The following SEPTIN10 variants were observed in gnomAD, a reference collection of about 807,000 sequenced individuals.
SEPTIN10 encodes septin 10.
SEPTIN10 carries 66 observed loss-of-function variants against 54.8 expected under a neutral mutation model. The observed-to-expected ratio is 1.21, with a 90% CI of 0.99 to 1.48. SEPTIN10 has a LOEUF of 1.48. SEPTIN10 is among the 40% of genes most tolerant of loss of function. SEPTIN10 has a pLI of 0.00. For missense variants in SEPTIN10, 620 were observed against 545.6 expected (o/e 1.14, Z -1.36); for synonymous variants, 161 against 181.0 (o/e 0.89, Z 0.89).
At chr2:109,588,362 A>G (rs990675517) in intron 2 of SEPTIN10, among the ~76,000 whole-genome samples, 1 of 152,226 alleles carries the variant, frequency 6.6e-6, no homozygotes, top group East Asian at 1.9e-4. Flanking sequence ...TTGAAAATAC[A>G]AATGTTTAAA....
chr2:109,606,081 C>CTA (rs1437859244), intron 1 of SEPTIN10, among the ~76,000 whole-genome samples: 1 of 152,172 alleles, frequency 6.6e-6, no homozygotes, highest in Non-Finnish European at 1.5e-5. Context: ...ATCCAAAAAA[C>CTA]TAGAGATAAC....
rs1683391772 is a variant in SEPTIN10 at position 109,553,076 on chromosome 2, A to G, written c.1161+11T>C. 17 of 1,610,238 alleles carry G rather than the reference A, an allele frequency of 1.1e-5. No individual in the cohort carries two copies. The highest frequency in any genetic ancestry group is 1.4e-5 in the Non-Finnish European group (17 of 1,179,434). ...AAATAAATGCAAATCACATCAAACC[A>G]GCATACTTGCCTCTCTCTCAGCTTC... On this transcript the variant is annotated intron_variant, in intron 9 of 10. Coordinates refer to ENST00000397712, the MANE Select transcript of SEPTIN10 (RefSeq NM_144710.5).
chr2:109,574,133 T>C (rs1250344172), intron 5 of SEPTIN10, among the ~76,000 whole-genome samples: 1 of 152,108 alleles, frequency 6.6e-6, no homozygotes, highest in Non-Finnish European at 1.5e-5. Context: ...GATGGAAATA[T>C]AAAATGTTTT....
At chr2:109,569,437 TAAA>T (rs61064446) in intron 5 of SEPTIN10, among the ~76,000 whole-genome samples, 26 of 131,258 alleles carry the variant, frequency 2.0e-4, no homozygotes, top group Admixed American at 9.9e-4. Context: ...AAACTCTTGT[TAAA>T]AAAAAAAAAA....
chr2:109,613,792 A>T lies in SEPTIN10; in HGVS notation c.30+6T>A. On this transcript the variant is annotated splice_donor_region_variant and intron_variant, in intron 1 of 10. Transcript: ENST00000397712. ...GGGCTGGGGCCCCGGCGTCGGCGGG[A>T]CTCACCAGGTGCCGCGCCACCTCGG... is the stretch of plus-strand genomic sequence containing the variant. 8.1e-7 allele frequency: 1 copy of T among 1,228,768 alleles called. No individual in the cohort carries two copies. The allele number at this position is 1,228,768 out of a possible 1,614,324, so 76.1% of individuals were successfully genotyped here. A position where few individuals can be genotyped will look rare whatever the true frequency, so the allele number is the denominator to read the frequency against.
chr2:109,549,134 G>C (rs879756656), intron 9 of SEPTIN10, among the ~76,000 whole-genome samples: 5 of 152,178 alleles, frequency 3.3e-5, no homozygotes, highest in Non-Finnish European at 5.9e-5. Flanking sequence ...ACACTCCCCA[G>C]ATGTCATTCA....
Position 109,567,986 on chromosome 2 carries a change from A to G in SEPTIN10, c.601-10T>C, listed in dbSNP as rs773491689. 1 of 1,561,132 alleles carries G rather than the reference A, an allele frequency of 6.4e-7. No individual in the cohort carries two copies. ...CTGGTATAATGTTTACCTATTAAGA[A>G]TAAAGAAAAACAAAATCTTACTGAG... On this transcript the variant is annotated splice_polypyrimidine_tract_variant and intron_variant, in intron 5 of 10. Coordinates refer to ENST00000397712, the MANE Select transcript of SEPTIN10 (RefSeq NM_144710.5).
At chr2:109,570,345 C>T (rs1688056770) in intron 5 of SEPTIN10, among the ~76,000 whole-genome samples, 1 of 152,070 alleles carries the variant, frequency 6.6e-6, no homozygotes, top group South Asian at 2.1e-4. Flanking sequence ...TATTGTAATG[C>T]TCATTAATGT....
intron 9 of SEPTIN10, among the ~76,000 whole-genome samples, chr2:109,549,020 G>A (rs912334951): frequency 1.3e-5 from 2 of 152,100 alleles, no homozygotes; most frequent in African/African-American, 4.8e-5. Context: ...TTATTCCAGA[G>A]GATGCCTTTT....
In SEPTIN10 at chr2:109,567,942, G is replaced by T; in HGVS notation, c.635C>A (p.Thr212Lys). ...NIIPVIAKAD[T>K]VSKTELQKFK... is the part of the protein sequence containing the mutation. Reference sequence around the variant, plus strand: ...CTTCTGTAATTCAGTTTTAGAAACCGTATCTGCTTTGGCAATCACTGGTAT... The same window carrying T: ...CTTCTGTAATTCAGTTTTAGAAACCTTATCTGCTTTGGCAATCACTGGTAT... Residue 212 changes from threonine (T) to lysine (K), a missense_variant, in exon 6 of 11, where the codon ACG becomes AAG. By Grantham distance (78) the Thr-to-Lys change is moderately conservative. Transcript: ENST00000397712. 1 of 1,612,872 alleles carries T rather than the reference G, an allele frequency of 6.2e-7. No individual in the cohort carries two copies. The highest frequency in any genetic ancestry group is 8.5e-7 in the Non-Finnish European group (1 of 1,179,552).
chr2:109,568,095 G>T, intron 5 of SEPTIN10, 119 bp from the exon 6 acceptor site: 1 of 748,660 alleles, frequency 1.3e-6, no homozygotes, highest in East Asian at 2.7e-5. Flanking sequence ...TAGATCGGGG[G>T]GCTGGCAAAC....
chr2:109,594,362 C>G (rs1464848095), intron 1 of SEPTIN10, among the ~76,000 whole-genome samples: 1 of 152,160 alleles, frequency 6.6e-6, no homozygotes, highest in Non-Finnish European at 1.5e-5. Context: ...GCGCTCTTCC[C>G]GAGAGGCACC....
At chr2:109,549,969 G>C (rs369146460) in intron 9 of SEPTIN10, among the ~76,000 whole-genome samples, 1 of 152,110 alleles carries the variant, frequency 6.6e-6, no homozygotes, top group African/African-American at 2.4e-5. Flanking sequence ...GTACAATGCT[G>C]TATCTTTTGT....
At chr2:109,606,308 C>T (rs943191690) in intron 1 of SEPTIN10, among the ~76,000 whole-genome samples, 60 of 147,822 alleles carry the variant, frequency 4.1e-4, no homozygotes, top group Middle Eastern at 3.4e-3. Flanking sequence ...CCAGCTACTC[C>T]GGAGGCTGAG....
chr2:109,564,365 C>A lies in SEPTIN10; in HGVS notation c.1028+1G>T, dbSNP rs1330599128. The A allele has an allele frequency of 3.9e-6, 6 of 1,550,644 alleles. No homozygotes were observed. Among genetic ancestry groups the A allele is most frequent in the Admixed American group, 1.9e-5 (1 of 54,026 alleles). On this transcript the variant is annotated splice_donor_variant, in intron 8 of 10. Transcript: ENST00000397712. LOFTEE classifies it high-confidence loss of function. ...TTGGCTTCCCAAGAACCCCACCCTA[C>A]CTGACTGGCTTGTTTTCTGGGCCCA...
chr2:109,584,721 T>A (rs1685470476), intron 4 of SEPTIN10, among the ~76,000 whole-genome samples: 1 of 152,138 alleles, frequency 6.6e-6, no homozygotes, highest in South Asian at 2.1e-4. Flanking sequence ...GCTAATTTGA[T>A]TATAATTTTA....
rs983308452 is a variant in SEPTIN10 at position 109,565,763 on chromosome 2, C to G, written c.859G>C (p.Val287Leu). The G allele has an allele frequency of 2.5e-6, 4 of 1,612,716 alleles. No individual in the cohort carries two copies. Among genetic ancestry groups the G allele is most frequent in the South Asian group, 1.1e-5 (1 of 91,048 alleles). Residue 287 changes from valine to leucine, a missense_variant and splice_region_variant, in exon 7 of 11, where the codon GTG becomes CTG. Transcript: ENST00000397712. ...ARQYPWGVVQ[V>L]ENENHCDFVK... is the part of the protein sequence containing the mutation. ...TCTAGTCATCCTTTGTCTCATTTAC[C>G]TTGTACAACACCCCAAGGGTACTGG...
At chr2:109,544,544 G>A in intron 10 of SEPTIN10, 2 of 980,866 alleles carry the variant, frequency 2.0e-6, no homozygotes, top group Non-Finnish European at 2.4e-6. Flanking sequence ...CAACAGCAGG[G>A]TTCTCAAGTG....
Position 109,553,123 on chromosome 2 carries a change from CT to C in SEPTIN10, c.1124del (p.Lys375ArgfsTer7), listed in dbSNP as rs755586943. 1.9e-6 allele frequency: 3 copies of C among 1,613,698 alleles called. No homozygotes were observed. The highest frequency in any genetic ancestry group is 2.5e-6 in the Non-Finnish European group (3 of 1,180,020). On this transcript the variant is annotated frameshift_variant, in exon 9 of 11. Transcript: ENST00000397712. LOFTEE classifies it high-confidence loss of function. The stretch of plus-strand genomic sequence containing the variant: ...CTTCTTTCAATATGGCTTCTTTCTC[CT>C]TTACTCGCTGCACAAACATCTGTTT... ...EMKQMFVQRV[K>X]EKEAILKEAE... is the part of the protein sequence containing the mutation.
Sources: gnomAD v4.1 joint callset for allele counts (sites outside exome capture counted in the v4.1 genomes callset) on GRCh38, gnomAD v4.1.1 for gene constraint, MANE v1.5 for transcripts, NCBI Gene and HGNC (gene_info 2026-07-23, HGNC 2026-07-21) for gene names.